Variants in TSPAN18 observed in about 807,000 individuals in gnomAD.
TSPAN18 encodes tetraspanin-18.
A neutral mutation model predicts 27.3 loss-of-function variants in TSPAN18; 14 were observed. The ratio of observed to expected loss-of-function variants is 0.51; its 90% CI spans 0.34 to 0.80. TSPAN18 has a LOEUF of 0.80. Ranked by LOEUF, TSPAN18 falls within the 30% of genes least tolerant of loss-of-function variation. The pLI, the probability that TSPAN18 is intolerant of heterozygous loss-of-function variation, is 0.01. For synonymous variants in TSPAN18, 143 were observed against 136.5 expected (o/e 1.05, Z -0.33); for missense variants, 268 against 323.9 (o/e 0.83, Z 1.32).
intron 1 of TSPAN18, among the ~76,000 whole-genome samples, chr11:44,745,666 G>A (rs1255010135): frequency 2.0e-5 from 3 of 152,154 alleles, no homozygotes; most frequent in African/African-American, 4.8e-5. Context: ...TATTCATTGA[G>A]CAGTACACTT....
chr11:44,922,075 T>C (rs554092711), intron 8 of TSPAN18, among the ~76,000 whole-genome samples: 2 of 152,212 alleles, frequency 1.3e-5, no homozygotes, highest in African/African-American at 4.8e-5. Flanking sequence ...TGTCTCTATT[T>C]GTCTTTTCCT....
intron 1 of TSPAN18, among the ~76,000 whole-genome samples, chr11:44,731,633 T>TGTGTGTGTGTGTGTGTGAGAGAGA (rs139154582): frequency 2.8e-5 from 3 of 107,384 alleles, no homozygotes; most frequent in Non-Finnish European, 5.6e-5. Flanking sequence ...TGTGTGTGTG[T>TGTGTGTGTGTGTGTGTGAGAGAGA]GAGAGAGAGA....
chr11:44,924,957 T>A (rs1362570128), intron 8 of TSPAN18, among the ~76,000 whole-genome samples: 1 of 152,192 alleles, frequency 6.6e-6, no homozygotes, highest in African/African-American at 2.4e-5. Context: ...AGATCCAGGA[T>A]GGACCCTGGG....
chr11:44,904,346 T>C (rs1859378090), intron 3 of TSPAN18, among the ~76,000 whole-genome samples: 1 of 152,208 alleles, frequency 6.6e-6, no homozygotes, highest in Admixed American at 6.5e-5. Context: ...GGAGGAGGTG[T>C]CCCTTTAGGG....
Position 44,929,405 on chromosome 11 carries a change from G to T in TSPAN18, c.*227G>T, listed in dbSNP as rs1860487636. ...GCCTGGACTCAGGGCAGGTGCCGTG[G>T]GTTCTCCAGAGACCCCAGCAACTGG... On this transcript the variant is annotated 3_prime_UTR_variant, in exon 10 of 10. Transcript: ENST00000520358. 4 of 594,306 alleles carry T rather than the reference G, an allele frequency of 6.7e-6. No homozygotes were observed. Among genetic ancestry groups the T allele is most frequent in the Middle Eastern group, 4.5e-4 (1 of 2,230 alleles). The allele number at this position is 594,306 out of a possible 1,614,324, so 36.8% of individuals were successfully genotyped here.
At chr11:44,908,569 A>C (rs1443262004) in intron 4 of TSPAN18, among the ~76,000 whole-genome samples, 1 of 151,818 alleles carries the variant, frequency 6.6e-6, no homozygotes, top group African/African-American at 2.4e-5. Context: ...TTCAGTCTCT[A>C]TAGAAAAATA....
intron 1 of TSPAN18, among the ~76,000 whole-genome samples, chr11:44,728,534 G>T (rs999265849): frequency 6.6e-5 from 10 of 152,120 alleles, no homozygotes; most frequent in African/African-American, 2.4e-4. Context: ...CAGGGCGGGC[G>T]GTGGGGGATG....
At chr11:44,807,652 A>C (rs554296912) in intron 2 of TSPAN18, among the ~76,000 whole-genome samples, 1 of 151,574 alleles carries the variant, frequency 6.6e-6, no homozygotes, top group African/African-American at 2.4e-5. Context: ...TCCTGGGGGG[A>C]ACTCAAGTTT....
chr11:44,924,128 T>TGTGTGTGA (rs1434527389), intron 8 of TSPAN18, among the ~76,000 whole-genome samples: 2 of 151,760 alleles, frequency 1.3e-5, no homozygotes, highest in African/African-American at 4.8e-5. Context: ...TGTGTGTGTG[T>TGTGTGTGA]GTGATTATAT....
intron 2 of TSPAN18, among the ~76,000 whole-genome samples, chr11:44,837,242 T>C (rs1590555811): frequency 1.3e-5 from 2 of 152,328 alleles, no homozygotes; most frequent in East Asian, 3.9e-4. Flanking sequence ...AACAGGAGTT[T>C]AGAAGAAGTT....
chr11:44,769,103 G>A (rs1482427924), intron 2 of TSPAN18, among the ~76,000 whole-genome samples: 1 of 151,904 alleles, frequency 6.6e-6, no homozygotes, highest in Non-Finnish European at 1.5e-5. Flanking sequence ...CATCATTTTG[G>A]CCAGGCTAGT....
chr11:44,754,078 AT>A (rs1855274748), intron 1 of TSPAN18, among the ~76,000 whole-genome samples: 1 of 152,174 alleles, frequency 6.6e-6, no homozygotes, highest in Admixed American at 6.6e-5. Context: ...CACGCTATGA[AT>A]TTTAAAGCTC....
chr11:44,749,639 T>C (rs199555271), intron 1 of TSPAN18, among the ~76,000 whole-genome samples: 18,892 of 145,596 alleles, frequency 0.13, 2,220 homozygotes, highest in East Asian at 0.68. Flanking sequence ...TTTCTTTTTT[T>C]TTTTTTTTTT....
Position 44,746,522 on chromosome 11 carries a change from G to A in TSPAN18, c.-239-17904G>A, listed in dbSNP as rs76131445. Among the ~76,000 whole-genome samples, 1,225 of 152,278 alleles carry A rather than the reference G, an allele frequency of 8.0e-3. 19 individuals carry two copies. The highest frequency in any genetic ancestry group is 0.028 in the African/African-American group (1,176 of 41,556). On this transcript the variant is annotated intron_variant, in intron 1 of 9. Transcript: ENST00000520358. ...GTAATCCTAACACTTTGAGAGGTGA[G>A]GCAGAAGGATTGTTTGAGGCCAGGA...
chr11:44,878,240 C>T (rs1376657881), intron 3 of TSPAN18, among the ~76,000 whole-genome samples: 2 of 152,076 alleles, frequency 1.3e-5, no homozygotes, highest in African/African-American at 2.4e-5. Flanking sequence ...AGAGCGGCAG[C>T]GGACCTGGCT....
intron 2 of TSPAN18, among the ~76,000 whole-genome samples, chr11:44,844,944 A>T (rs1021824794): frequency 6.6e-6 from 1 of 152,222 alleles, no homozygotes; most frequent in African/African-American, 2.4e-5. Context: ...TTGCAGATTC[A>T]AAGGAGGCTC....
chr11:44,843,635 T>A (rs1857421051), intron 2 of TSPAN18, among the ~76,000 whole-genome samples: 1 of 152,198 alleles, frequency 6.6e-6, no homozygotes, highest in Non-Finnish European at 1.5e-5. Context: ...ATTTCGCCTC[T>A]GCAATCTCCA....
At position 44,929,225 on chromosome 11, in the gene TSPAN18, A is replaced by T. The variant is rs969957779; in HGVS notation, c.*47A>T. The T allele has an allele frequency of 5.0e-6, 8 of 1,611,840 alleles. No individual in the cohort carries two copies. The highest frequency in any genetic ancestry group is 1.3e-5 in the African/African-American group (1 of 74,882). On this transcript the variant is annotated 3_prime_UTR_variant, in exon 10 of 10. Coordinates refer to ENST00000520358, the MANE Select transcript of TSPAN18 (RefSeq NM_130783.5). ...AGACTCGCCCCACCCACCACTGCCC[A>T]GCACCCAGTGTCCTCCCGTGCCCCT...
Position 44,930,598 on chromosome 11 carries a change from C to T in TSPAN18, c.*1420C>T, listed in dbSNP as rs958780153. On this transcript the variant is annotated 3_prime_UTR_variant, in exon 10 of 10. Transcript: ENST00000520358. ...GGGCAGGGAGACTCGCAGATGCACA[C>T]CCACAAGTATTCAGTTCTCAAACTC... The T allele has an allele frequency of 2.2e-5, 7 of 313,912 alleles. No individual in the cohort carries two copies. Among genetic ancestry groups the T allele is most frequent in the Non-Finnish European group, 3.8e-5 (6 of 157,508 alleles). 19.4% of individuals were successfully genotyped at this position (313,912 alleles called of 1,614,324 possible). A position where few individuals can be genotyped will look rare whatever the true frequency, so the allele number is the denominator to read the frequency against.
Sources: allele counts gnomAD v4.1 joint callset (sites outside exome capture counted in the v4.1 genomes callset), GRCh38; gene constraint gnomAD v4.1.1; transcripts MANE v1.5; gene names NCBI Gene and HGNC (gene_info 2026-07-23, HGNC 2026-07-21).